Variants in ZNF214 observed in about 807,000 individuals in gnomAD.
ZNF214 encodes the protein zinc finger protein 214.
A neutral mutation model predicts 53.9 loss-of-function variants in ZNF214; 43 were observed. The observed-to-expected ratio is 0.80, with a 90% CI of 0.63 to 1.03. ZNF214 has a LOEUF of 1.03. Among genes scored for constraint, ZNF214 ranks in the 50% least tolerant of loss-of-function variants. The probability of loss-of-function intolerance (pLI) is 0.00; values close to 1 mark genes in which losing one functional copy is unlikely to be tolerated. For missense variants in ZNF214, 724 were observed against 719.1 expected (o/e 1.01, Z -0.08); for synonymous variants, 217 against 229.5 (o/e 0.95, Z 0.49).
Position 7,002,731 on chromosome 11 carries a change from G to A in ZNF214, c.105C>T (p.Asn35=). The A allele has an allele frequency of 1.9e-6, 3 of 1,605,854 alleles. No homozygotes were observed. The highest frequency in any genetic ancestry group is 4.5e-5 in the East Asian group (2 of 44,242). The stretch of plus-strand genomic sequence containing the variant: ...TACCTACTGACATGACATTTGTGTA[G>A]TTCTCCCACATGACCTCCCTGTAGA... ...KRLYREVMWE[N]YTNVMSVENW... The change falls in exon 2 of 3, where the codon AAC becomes AAT. Residue 35 remains asparagine, a synonymous_variant. Coordinates refer to ENST00000278314, the MANE Select transcript of ZNF214 (RefSeq NM_013249.4).
At position 7,000,482 on chromosome 11, in the gene ZNF214, G is replaced by A. The variant is rs1174765895; in HGVS notation, c.1201C>T (p.Leu401Phe). Reference sequence around the variant, plus strand: ...GTGTGTACTAACTGATGAATTCGAAGATTTGAGCTCTGGCTGAAACCCTTA... The same window carrying A: ...GTGTGTACTAACTGATGAATTCGAAAATTTGAGCTCTGGCTGAAACCCTTA... ...CGKGFSQSSN[L>F]RIHQLVHTGE... Residue 401 changes from leucine to phenylalanine, a missense_variant, in exon 3 of 3, where the codon CTT becomes TTT. Physicochemically the swap from Leu to Phe is conservative, Grantham distance 22. Coordinates refer to ENST00000278314, the MANE Select transcript of ZNF214 (RefSeq NM_013249.4). The A allele has an allele frequency of 1.2e-6, 2 of 1,613,172 alleles. No homozygotes were observed. The highest frequency in any genetic ancestry group is 1.7e-5 in the Admixed American group (1 of 59,894).
chr11:6,997,245 T>G lies in ZNF214; in HGVS notation c.*2617A>C, dbSNP rs948927894. Among the ~76,000 whole-genome samples the G allele has an allele frequency of 6.6e-6, 1 of 151,890 alleles. No individual in the cohort carries two copies. Among genetic ancestry groups the G allele is most frequent in the African/African-American group, 2.4e-5 (1 of 41,402 alleles). On this transcript the variant is annotated 3_prime_UTR_variant, in exon 3 of 3. Transcript: ENST00000278314. ...TAATGAGTTTAAATTAGTGCACTTT[T>G]CACCTTTAAAAACATATTGTAGGTA... is the stretch of plus-strand genomic sequence containing the variant.
Position 7,001,141 on chromosome 11 carries a change from T to A in ZNF214, c.542A>T (p.Glu181Val). The change falls in exon 3 of 3, where the codon GAA becomes GTA. Residue 181 changes from glutamate (E) to valine (V), a missense_variant. Coordinates refer to ENST00000278314, the MANE Select transcript of ZNF214 (RefSeq NM_013249.4). ...AGAATGCTGAACTATGAGCTTCTGT[T>A]CTTTTTCCATGGAGAGGTTTTTCCT... ...ISRKNLSMEK[E>V]QKLIVQHSYI... is the part of the protein sequence containing the mutation. The A allele has an allele frequency of 6.2e-7, 1 of 1,613,346 alleles. No homozygotes were observed. The highest frequency in any genetic ancestry group is 8.5e-7 in the Non-Finnish European group (1 of 1,179,562).
intron 1 of ZNF214, chr11:7,019,806 G>A (rs1851869693): frequency 6.6e-6 from 1 of 152,226 alleles, no homozygotes; most frequent in Non-Finnish European, 1.5e-5. Context: ...CGTTTCATGC[G>A]TGCCCCAAGA....
chr11:7,010,544 A>T (rs1204643301), intron 1 of ZNF214, among the ~76,000 whole-genome samples: 1 of 151,866 alleles, frequency 6.6e-6, no homozygotes, highest in Non-Finnish European at 1.5e-5. Flanking sequence ...ACAAAGCTGT[A>T]TATATAACCC....
In ZNF214 at chr11:6,999,693, T is replaced by C. The variant is rs1851271978; in HGVS notation, c.*169A>G. The C allele has an allele frequency of 1.5e-6, 1 of 657,782 alleles. No homozygotes were observed. Among genetic ancestry groups the C allele is most frequent in the Non-Finnish European group, 2.3e-6 (1 of 426,578 alleles). The allele number at this position is 657,782 out of a possible 1,614,324, so 40.7% of individuals were successfully genotyped here. ...TATAATTTTAAATATATAGGGTTTTTTCTAAAGATCTCCTTTTGAAGCAAA... is the reference window on the plus strand; with the variant it reads ...TATAATTTTAAATATATAGGGTTTTCTCTAAAGATCTCCTTTTGAAGCAAA... On this transcript the variant is annotated 3_prime_UTR_variant, in exon 3 of 3. Transcript: ENST00000278314.
rs1303302282 is a variant in ZNF214 at position 6,998,675 on chromosome 11, C to A, written c.*1187G>T. On this transcript the variant is annotated 3_prime_UTR_variant, in exon 3 of 3. Transcript: ENST00000278314. Reference sequence around the variant, plus strand: ...CTTGTATATTTCTACTCTATCTTTACTGAGTTCAGATTCTCTGTTATGCCA... The same window carrying A: ...CTTGTATATTTCTACTCTATCTTTAATGAGTTCAGATTCTCTGTTATGCCA... Among the ~76,000 whole-genome samples the A allele has an allele frequency of 6.6e-6, 1 of 151,886 alleles. No homozygotes were observed. The highest frequency in any genetic ancestry group is 1.5e-5 in the Non-Finnish European group (1 of 67,924).
intron 1 of ZNF214, among the ~76,000 whole-genome samples, chr11:7,003,802 A>T (rs1356270877): frequency 2.6e-5 from 4 of 152,002 alleles, no homozygotes; most frequent in African/African-American, 9.7e-5. Context: ...ATACATGTCT[A>T]AACAATAAAA....
rs116088299 is a variant in ZNF214, at chr11:7,011,345, G to A, written c.-20-8490C>T. On this transcript the variant is annotated intron_variant, in intron 1 of 2. Coordinates refer to ENST00000278314, the MANE Select transcript of ZNF214 (RefSeq NM_013249.4). ...CATCATGATCAGACAGTTTATTATA[G>A]GAATGCAAGGATCGTTCAACATGAG... Among the ~76,000 whole-genome samples, 1,241 of 152,014 alleles carry A rather than the reference G, an allele frequency of 8.2e-3. 29 individuals carry two copies. Among genetic ancestry groups the A allele is most frequent in the African/African-American group, 0.028 (1,152 of 41,512 alleles).
intron 1 of ZNF214, among the ~76,000 whole-genome samples, chr11:7,012,330 GATAAA>G (rs1448316916): frequency 2.0e-5 from 3 of 151,990 alleles, no homozygotes; most frequent in African/African-American, 4.8e-5. Context: ...AACTATATGA[GATAAA>G]ATAAAACTGG....
rs1237315623 is a variant in ZNF214, at chr11:7,001,539, G to C, written c.144C>G (p.Ser48Arg). Residue 48 changes from serine (S) to arginine (R), a missense_variant, in exon 3 of 3, where the codon AGC (serine) becomes AGG (arginine). Coordinates refer to ENST00000278314, the MANE Select transcript of ZNF214 (RefSeq NM_013249.4). ...NVMSVENWNE[S>R]YKSQEEKFRY... ...TGAATTTTTCTTCTTGGGATTTGTA[G>C]CTCTCATTCCAGTTTTCTAGAAAAA... 6.2e-7 allele frequency: 1 copy of C among 1,600,720 alleles called. No individual in the cohort carries two copies. The highest frequency in any genetic ancestry group is 1.1e-5 in the South Asian group (1 of 89,922).
rs148086777 is a variant in ZNF214, at chr11:6,998,157, G to C, written c.*1705C>G. Among the ~76,000 whole-genome samples, 1 of 151,964 alleles carries C rather than the reference G, an allele frequency of 6.6e-6. No individual in the cohort carries two copies. The highest frequency in any genetic ancestry group is 1.9e-4 in the East Asian group (1 of 5,166). On this transcript the variant is annotated 3_prime_UTR_variant, in exon 3 of 3. Transcript: ENST00000278314. ...CTTTTCAAATCTCAAAATTCTGAACGTGCTGCTCCATTGCCTTCTGAGTTA... is the reference window on the plus strand; with the variant it reads ...CTTTTCAAATCTCAAAATTCTGAACCTGCTGCTCCATTGCCTTCTGAGTTA...
chr11:7,011,620 A>G (rs1339554717), intron 1 of ZNF214, among the ~76,000 whole-genome samples: 2 of 152,136 alleles, frequency 1.3e-5, no homozygotes, highest in Non-Finnish European at 2.9e-5. Context: ...AACAAGAATG[A>G]CCACCGTCAC....
intron 1 of ZNF214, among the ~76,000 whole-genome samples, chr11:7,014,820 C>CAAAAAAAAAAAAAAAAAAAAAAAAAAAA (rs1186246829): frequency 1.1e-5 from 1 of 91,202 alleles, no homozygotes; most frequent in Non-Finnish European, 2.4e-5. Context: ...AAAAAAAAAA[C>CAAAAAAAAAAAAAAAAAAAAAAAAAAAA]AAAAAAAAAA....
chr11:7,010,327 C>A (rs1851575220), intron 1 of ZNF214, among the ~76,000 whole-genome samples: 1 of 151,820 alleles, frequency 6.6e-6, no homozygotes, highest in African/African-American at 2.4e-5. Context: ...AAACAGAAAA[C>A]CAAATACTGC....
intron 1 of ZNF214, among the ~76,000 whole-genome samples, chr11:7,017,883 T>C (rs1247413299): frequency 6.6e-6 from 1 of 152,248 alleles, no homozygotes; most frequent in African/African-American, 2.4e-5. Flanking sequence ...ATAACAGCTA[T>C]TCATACATTG....
chr11:7,011,244 T>C (rs1369279476), intron 1 of ZNF214, among the ~76,000 whole-genome samples: 1 of 152,050 alleles, frequency 6.6e-6, no homozygotes, highest in African/African-American at 2.4e-5. Flanking sequence ...ACAGGCACAT[T>C]TGTAAATTTT....
chr11:7,013,376 AG>A (rs1317878678), intron 1 of ZNF214, among the ~76,000 whole-genome samples: 1 of 152,234 alleles, frequency 6.6e-6, no homozygotes, highest in African/African-American at 2.4e-5. Flanking sequence ...AAACTGAGGC[AG>A]GGTTTGCATA....
rs1180303212 is a variant in ZNF214 at position 6,998,308 on chromosome 11, C to T, written c.*1554G>A. On this transcript the variant is annotated 3_prime_UTR_variant, in exon 3 of 3. Transcript: ENST00000278314. ...AAGGTTGCTTTAATACTGGTTTTGC[C>T]TAAAACTTAGTGACCATATACTTTT... Among the ~76,000 whole-genome samples the T allele has an allele frequency of 4.0e-5, 6 of 151,754 alleles. No individual in the cohort carries two copies. Among genetic ancestry groups the T allele is most frequent in the Admixed American group, 3.9e-4 (6 of 15,194 alleles).
Sources: gnomAD v4.1 joint callset for allele counts (sites outside exome capture counted in the v4.1 genomes callset) on GRCh38, gnomAD v4.1.1 for gene constraint, MANE v1.5 for transcripts, NCBI Gene and HGNC (gene_info 2026-07-23, HGNC 2026-07-21) for gene names.